Variants in SLC24A3 observed in about 807,000 individuals in gnomAD.
SLC24A3 encodes the protein solute carrier family 24 member 3.
In SLC24A3, 28 loss-of-function variants were observed where a neutral mutation model predicts 75.8. That is an observed-to-expected ratio of 0.37 (90% CI 0.27 to 0.51). SLC24A3 has a LOEUF of 0.51. Ranked by LOEUF, SLC24A3 falls within the 20% of genes least tolerant of loss-of-function variation. The pLI, the probability that SLC24A3 is intolerant of heterozygous loss-of-function variation, is 0.94. For missense variants in SLC24A3, 663 were observed against 847.8 expected, an observed-to-expected ratio of 0.78 and a Z score of 2.71; for synonymous variants, 372 against 334.1, an observed-to-expected ratio of 1.11 and a Z score of -1.24.
At position 19,721,442 on chromosome 20, in the gene SLC24A3, C is replaced by A; in HGVS notation, c.*302C>A. 3 of 325,186 alleles carry A rather than the reference C, an allele frequency of 9.2e-6. No individual in the cohort carries two copies. Among genetic ancestry groups the A allele is most frequent in the Non-Finnish European group, 1.1e-5 (2 of 177,120 alleles). 20.1% of individuals were successfully genotyped at this position (325,186 alleles called of 1,614,324 possible). A position where few individuals can be genotyped will look rare whatever the true frequency, so the allele number is the denominator to read the frequency against. ...AGATTCTAGAAAAACTGGCTGCTAA[C>A]TGGCCTGAGCCAGGCAACACTGATT... is the stretch of plus-strand genomic sequence containing the variant. On this transcript the variant is annotated 3_prime_UTR_variant, in exon 17 of 17. Transcript: ENST00000328041.
At chr20:19,223,994 T>A (rs1281814629) in intron 1 of SLC24A3, among the ~76,000 whole-genome samples, 1 of 152,182 alleles carries the variant, frequency 6.6e-6, no homozygotes, top group Non-Finnish European at 1.5e-5. Flanking sequence ...AGAACTTAGG[T>A]ATTGCTTACT....
chr20:19,279,808 T>G (rs1983605206), intron 1 of SLC24A3, among the ~76,000 whole-genome samples: 1 of 152,144 alleles, frequency 6.6e-6, no homozygotes, highest in Non-Finnish European at 1.5e-5. Context: ...ATGTCCAAGG[T>G]GATGCCCAGA....
intron 2 of SLC24A3, among the ~76,000 whole-genome samples, chr20:19,481,628 G>A (rs928440014): frequency 2.6e-5 from 4 of 152,160 alleles, no homozygotes; most frequent in Non-Finnish European, 5.9e-5. Context: ...AGAGCAGAGT[G>A]AGTCTGATTT....
chr20:19,290,691 A>C (rs545038778), intron 2 of SLC24A3, among the ~76,000 whole-genome samples: 1 of 152,280 alleles, frequency 6.6e-6, no homozygotes, highest in African/African-American at 2.4e-5. Context: ...ACAGCAGGTG[A>C]GAATGGTGGC....
intron 15 of SLC24A3, among the ~76,000 whole-genome samples, chr20:19,714,547 C>T (rs921873240): frequency 3.3e-5 from 5 of 152,120 alleles, no homozygotes; most frequent in South Asian, 2.1e-4. Context: ...CCTGTCACAT[C>T]CTGGTGGAAG....
At chr20:19,645,038 C>A (rs2032119847) in intron 6 of SLC24A3, among the ~76,000 whole-genome samples, 1 of 152,178 alleles carries the variant, frequency 6.6e-6, no homozygotes, top group African/African-American at 2.4e-5. Context: ...ATTACAGTCA[C>A]CGCAGTTATC....
intron 2 of SLC24A3, among the ~76,000 whole-genome samples, chr20:19,464,364 C>T (rs1987729236): frequency 6.6e-6 from 1 of 150,768 alleles, no homozygotes; most frequent in South Asian, 2.1e-4. Flanking sequence ...GCATTCATAC[C>T]ACACACATAC....
At chr20:19,540,204 C>T (rs1415439122) in intron 3 of SLC24A3, among the ~76,000 whole-genome samples, 1 of 152,068 alleles carries the variant, frequency 6.6e-6, no homozygotes, top group East Asian at 1.9e-4. Flanking sequence ...GTTCTGAGTC[C>T]CAGCATGACC....
intron 6 of SLC24A3, among the ~76,000 whole-genome samples, chr20:19,646,086 C>A (rs1030989376): frequency 2.1e-4 from 32 of 152,088 alleles, no homozygotes; most frequent in African/African-American, 7.5e-4. Flanking sequence ...TGGTTAATAT[C>A]CAGCATAAGA....
chr20:19,393,787 C>G (rs1986404527), intron 2 of SLC24A3, among the ~76,000 whole-genome samples: 1 of 152,042 alleles, frequency 6.6e-6, no homozygotes, highest in South Asian at 2.1e-4. Context: ...CAAGATTACA[C>G]AAAATGATCT....
chr20:19,558,225 T>G (rs915738103), intron 3 of SLC24A3, among the ~76,000 whole-genome samples: 1 of 152,158 alleles, frequency 6.6e-6, no homozygotes, highest in African/African-American at 2.4e-5. Context: ...AAATATCATT[T>G]TTATAAACTT....
At chr20:19,489,429 A>G (rs6112412) in intron 2 of SLC24A3, among the ~76,000 whole-genome samples, 2,618 of 152,350 alleles carry the variant, frequency 0.017, 68 homozygotes, top group African/African-American at 0.06. Context: ...AAGTATAAAC[A>G]TCATAGTAAT....
At chr20:19,471,565 TA>T (rs2122507192) in intron 2 of SLC24A3, among the ~76,000 whole-genome samples, 1 of 152,256 alleles carries the variant, frequency 6.6e-6, no homozygotes, top group African/African-American at 2.4e-5. Context: ...GTGGTATAAA[TA>T]CCCCCATAAT....
At chr20:19,480,358 T>A (rs568928059) in intron 2 of SLC24A3, among the ~76,000 whole-genome samples, 2 of 152,302 alleles carry the variant, frequency 1.3e-5, no homozygotes, top group Non-Finnish European at 2.9e-5. Context: ...CTCATACATA[T>A]AAATATCATA....
intron 2 of SLC24A3, among the ~76,000 whole-genome samples, chr20:19,313,309 A>G (rs1332557439): frequency 6.6e-6 from 1 of 152,164 alleles, no homozygotes; most frequent in Non-Finnish European, 1.5e-5. Context: ...TGCTGGGATT[A>G]CAGGCATGAG....
chr20:19,256,264 G>A (rs1382595253), intron 1 of SLC24A3, among the ~76,000 whole-genome samples: 1 of 152,156 alleles, frequency 6.6e-6, no homozygotes, highest in African/African-American at 2.4e-5. Flanking sequence ...CCATTCATAT[G>A]ATGTGTTCAG....
At chr20:19,631,027 A>G (rs1271420441) in intron 6 of SLC24A3, among the ~76,000 whole-genome samples, 1 of 152,174 alleles carries the variant, frequency 6.6e-6, no homozygotes, top group African/African-American at 2.4e-5. Context: ...TGTGTGGAAT[A>G]TGGATTTTAA....
At chr20:19,572,590 G>C (rs992546929) in intron 3 of SLC24A3, among the ~76,000 whole-genome samples, 11 of 152,236 alleles carry the variant, frequency 7.2e-5, no homozygotes, top group African/African-American at 2.6e-4. Flanking sequence ...GGCATTCGCT[G>C]GTATTTGAAA....
chr20:19,243,292 A>G (rs1280014384), intron 1 of SLC24A3, among the ~76,000 whole-genome samples: 2 of 152,246 alleles, frequency 1.3e-5, no homozygotes, highest in Non-Finnish European at 2.9e-5. Flanking sequence ...AATAGCTCAA[A>G]CAACACAGAA....
Sources: gnomAD v4.1 joint callset for allele counts (sites outside exome capture counted in the v4.1 genomes callset) on GRCh38, gnomAD v4.1.1 for gene constraint, MANE v1.5 for transcripts, NCBI Gene and HGNC (gene_info 2026-07-23, HGNC 2026-07-21) for gene names.